The following LIX1 variants were observed in gnomAD, a reference collection of about 807,000 sequenced individuals.
The protein encoded by LIX1 is protein limb expression 1 homolog.
A neutral mutation model predicts 33.4 loss-of-function variants in LIX1; 24 were observed. That is an observed-to-expected ratio of 0.72 (90% CI 0.52 to 1.01). The LOEUF is 1.01. Ranked by LOEUF, LIX1 falls within the 50% of genes least tolerant of loss-of-function variation. The pLI is 0.00. For missense variants in LIX1, 311 were observed against 339.2 expected (o/e 0.92, Z 0.65); for synonymous variants, 124 against 124.0 (o/e 1.00, Z 0.00).
intron 2 of LIX1, among the ~76,000 whole-genome samples, chr5:97,121,264 G>A (rs577560834): frequency 6.6e-6 from 1 of 152,166 alleles, no homozygotes; most frequent in South Asian, 2.1e-4. Flanking sequence ...ACAGAGCTGT[G>A]CTTTTCTTTT....
chr5:97,133,479 A>G (rs1748109292), intron 1 of LIX1, among the ~76,000 whole-genome samples: 1 of 152,226 alleles, frequency 6.6e-6, no homozygotes, highest in South Asian at 2.1e-4. Flanking sequence ...GGGCATGAAT[A>G]TATGTCTTCA....
intron 1 of LIX1, among the ~76,000 whole-genome samples, chr5:97,134,475 T>G (rs1162811678): frequency 6.6e-6 from 1 of 152,258 alleles, no homozygotes; most frequent in Non-Finnish European, 1.5e-5. Flanking sequence ...TGTTATGTAA[T>G]ATTTTAATAT....
intron 4 of LIX1, among the ~76,000 whole-genome samples, chr5:97,098,536 G>A (rs777112685): frequency 6.6e-6 from 1 of 152,148 alleles, no homozygotes; most frequent in Non-Finnish European, 1.5e-5. Context: ...GAACTTTCAT[G>A]TCTTAAAAAA....
chr5:97,125,057 T>C (rs1395652282), intron 1 of LIX1, among the ~76,000 whole-genome samples: 1 of 152,204 alleles, frequency 6.6e-6, no homozygotes, highest in Non-Finnish European at 1.5e-5. Context: ...TCATTTCTCA[T>C]AGATTCTTAA....
intron 4 of LIX1, among the ~76,000 whole-genome samples, chr5:97,099,127 A>G (rs545418269): frequency 7.6e-6 from 1 of 131,998 alleles, no homozygotes; most frequent in East Asian, 2.2e-4. Flanking sequence ...TCCAGTGCCC[A>G]GGGATGGCTG....
At chr5:97,103,764 G>C (rs1746848652) in intron 4 of LIX1, among the ~76,000 whole-genome samples, 1 of 152,148 alleles carries the variant, frequency 6.6e-6, no homozygotes, top group Non-Finnish European at 1.5e-5. Flanking sequence ...AGGAGATGGA[G>C]ACCATCCTGG....
intron 1 of LIX1, among the ~76,000 whole-genome samples, chr5:97,139,439 G>C (rs144194521): frequency 6.6e-6 from 1 of 152,198 alleles, no homozygotes; most frequent in Non-Finnish European, 1.5e-5. Context: ...GAGAAAGTAC[G>C]CAAGGAATTG....
intron 1 of LIX1, chr5:97,136,957 T>C (rs1010389199): frequency 5.5e-5 from 12 of 217,162 alleles, no homozygotes; most frequent in African/African-American, 2.8e-4. Flanking sequence ...GTGTTTGGGG[T>C]TAAAACATCA....
At position 97,142,269 on chromosome 5, in the gene LIX1, T is replaced by C. The variant is rs1159092736; in HGVS notation, c.82+226A>G. The stretch of plus-strand genomic sequence containing the variant: ...GGTCTTGGATTGTAGAAGAGACTTC[T>C]AAGTAGTTAGCAAGATGTATCACTG... On this transcript the variant is annotated intron_variant, in intron 1 of 5. Transcript: ENST00000274382. Among the ~76,000 whole-genome samples the C allele has an allele frequency of 1.6e-4, 25 of 152,318 alleles. No homozygotes were observed. In the South Asian group the frequency reaches 4.8e-3, roughly 29 times the overall value.
At chr5:97,099,206 T>C (rs1221253175) in intron 4 of LIX1, among the ~76,000 whole-genome samples, 1 of 152,204 alleles carries the variant, frequency 6.6e-6, no homozygotes, top group African/African-American at 2.4e-5. Context: ...CACGTCAGTA[T>C]GCTAATTTGA....
chr5:97,112,865 G>T (rs891570134), intron 2 of LIX1, among the ~76,000 whole-genome samples: 1 of 151,284 alleles, frequency 6.6e-6, no homozygotes. Context: ...GGCAGTGGTA[G>T]CCAGTTTGTA....
At chr5:97,133,152 C>T (rs531660675) in intron 1 of LIX1, among the ~76,000 whole-genome samples, 1 of 152,340 alleles carries the variant, frequency 6.6e-6, no homozygotes, top group Admixed American at 6.5e-5. Context: ...TCCTCAAATA[C>T]AGGCATGAGT....
chr5:97,096,349 C>A (rs1050819766), intron 5 of LIX1, among the ~76,000 whole-genome samples: 1 of 152,112 alleles, frequency 6.6e-6, no homozygotes, highest in Non-Finnish European at 1.5e-5. Flanking sequence ...ACTTTATAAT[C>A]ATTTCTGTTG....
At chr5:97,111,951 A>G (rs1295079948) in intron 2 of LIX1, among the ~76,000 whole-genome samples, 3 of 152,230 alleles carry the variant, frequency 2.0e-5, no homozygotes, top group African/African-American at 7.2e-5. Flanking sequence ...TATTATTTCA[A>G]TGTACAGAAT....
At position 97,141,069 on chromosome 5, in the gene LIX1, A is replaced by T. The variant is rs370232579; in HGVS notation, c.82+1426T>A. 5.3e-5 allele frequency among the ~76,000 whole-genome samples: 8 copies of T among 152,330 alleles called. No individual in the cohort carries two copies. In the East Asian group the frequency reaches 1.5e-3, roughly 29 times the overall value. The stretch of plus-strand genomic sequence containing the variant: ...TTAGTTCAGCTAAAAAATGAGCTAT[A>T]CAGTTTCACATTTGAACTTATTAAG... On this transcript the variant is annotated intron_variant, in intron 1 of 5. Transcript: ENST00000274382.
intron 1 of LIX1, among the ~76,000 whole-genome samples, chr5:97,131,836 C>T (rs1017264999): frequency 8.5e-5 from 13 of 152,218 alleles, no homozygotes; most frequent in African/African-American, 2.4e-4. Flanking sequence ...GGAGGTTTCA[C>T]GGATAGACCA....
chr5:97,123,523 T>G (rs995983975), intron 2 of LIX1, among the ~76,000 whole-genome samples: 1 of 152,232 alleles, frequency 6.6e-6, no homozygotes, highest in African/African-American at 2.4e-5. Flanking sequence ...TGTTTGCAGC[T>G]TGTCTCCATG....
intron 3 of LIX1, 106 bp from the exon 4 acceptor site, chr5:97,105,391 A>G (rs987005773): frequency 2.4e-6 from 2 of 825,978 alleles, no homozygotes; most frequent in African/African-American, 3.4e-5. Context: ...TTTTGGTCTA[A>G]CCTGAACAGA....
rs1218504332 is a variant in LIX1 at position 97,135,320 on chromosome 5, GAC to G, written c.82+7173_82+7174del. ...TGAAGGTGTAAGAGGGAATCACAAAGACAAATTAAAAAGTTTTTAAGTATACC... is the reference window on the plus strand; with the variant it reads ...TGAAGGTGTAAGAGGGAATCACAAAGAAATTAAAAAGTTTTTAAGTATACC... On this transcript the variant is annotated intron_variant, in intron 1 of 5. Coordinates refer to ENST00000274382, the MANE Select transcript of LIX1 (RefSeq NM_153234.5). Among the ~76,000 whole-genome samples the G allele has an allele frequency of 7.2e-5, 11 of 152,278 alleles. No individual in the cohort carries two copies. In the South Asian group the frequency reaches 2.1e-3, roughly 29 times the overall value.
Sources: allele counts gnomAD v4.1 joint callset (sites outside exome capture counted in the v4.1 genomes callset), GRCh38; gene constraint gnomAD v4.1.1; transcripts MANE v1.5; gene names NCBI Gene and HGNC (gene_info 2026-07-23, HGNC 2026-07-21).